The following HERC2 variants were observed in gnomAD, a reference collection of about 807,000 sequenced individuals.
The protein encoded by HERC2 is HECT and RLD domain containing E3 ubiquitin protein ligase 2, also known as E3 ubiquitin-protein ligase HERC2.
In HERC2, 102 loss-of-function variants were observed where a neutral mutation model predicts 537.7. The observed-to-expected ratio is 0.19, with a 90% CI of 0.16 to 0.22. HERC2 has a LOEUF of 0.22. Ranked by LOEUF, HERC2 falls within the 10% of genes least tolerant of loss-of-function variation. The pLI, the probability that HERC2 is intolerant of heterozygous loss-of-function variation, is 1.00. For synonymous variants in HERC2, 2,224 were observed against 2,466.2 expected, an observed-to-expected ratio of 0.90 and a Z score of 2.91; for missense variants, 4,236 against 6,198.2, an observed-to-expected ratio of 0.68 and a Z score of 10.63.
intron 4 of HERC2, among the ~76,000 whole-genome samples, chr15:28,287,781 T>C (rs1055811137): frequency 2.9e-4 from 43 of 146,056 alleles, no homozygotes; most frequent in African/African-American, 1.0e-3. Flanking sequence ...GCTAGAGTGG[T>C]GGTGCAATCT....
intron 65 of HERC2, among the ~76,000 whole-genome samples, 153 bp from the exon 66 acceptor site, chr15:28,169,808 A>G (rs561917831): frequency 6.6e-6 from 1 of 152,358 alleles, no homozygotes; most frequent in East Asian, 1.9e-4. Flanking sequence ...TAGGCCTTCA[A>G]AATAAGAAAA....
chr15:28,277,002 G>A (rs1008215085), intron 5 of HERC2, among the ~76,000 whole-genome samples: 1 of 152,130 alleles, frequency 6.6e-6, no homozygotes, highest in Non-Finnish European at 1.5e-5. Context: ...TTGAGTCCAG[G>A]AGTTTGAGGC....
chr15:28,191,904 T>C (rs1420329173), intron 53 of HERC2, 57 bp downstream of exon 53: 2 of 1,497,762 alleles, frequency 1.3e-6, no homozygotes, highest in African/African-American at 2.8e-5. Context: ...TTTGAAAATG[T>C]ACAAGGCAAA....
intron 2 of HERC2, among the ~76,000 whole-genome samples, chr15:28,317,587 A>G (rs2077123540): frequency 6.6e-6 from 1 of 152,242 alleles, no homozygotes; most frequent in African/African-American, 2.4e-5. Flanking sequence ...ATCACTTGGT[A>G]ATCTCACAGT....
At chr15:28,180,363 A>G (rs573531175) in intron 57 of HERC2, among the ~76,000 whole-genome samples, 41 of 152,238 alleles carry the variant, frequency 2.7e-4, no homozygotes, top group African/African-American at 9.1e-4. Flanking sequence ...AAATCACCCA[A>G]CCAAAACTTT....
intron 3 of HERC2, among the ~76,000 whole-genome samples, chr15:28,298,302 C>T (rs1245966860): frequency 2.7e-5 from 4 of 147,760 alleles, no homozygotes; most frequent in East Asian, 2.2e-4. Context: ...TACAGGCGCC[C>T]GCCACTATGC....
At chr15:28,282,743 C>T (rs150293247) in intron 4 of HERC2, among the ~76,000 whole-genome samples, 4 of 151,988 alleles carry the variant, frequency 2.6e-5, no homozygotes, top group Non-Finnish European at 5.9e-5. Context: ...ACCAGCCTGG[C>T]CAACATGGTG....
In HERC2 at chr15:28,182,496, C is replaced by A. The variant is rs185388345; in HGVS notation, c.8842G>T (p.Ala2948Ser). ...GNSGSLIRKK[A>S]AGLESAATIR... The stretch of plus-strand genomic sequence containing the variant: ...GTAGCTGCTGATTCCAGCCCAGCAG[C>A]CTTCTTTCTAATGAGGCTAACCAAA... The change falls in exon 57 of 93, where the codon GCT (alanine) becomes TCT (serine). Residue 2948 changes from alanine to serine, a missense_variant. Ala to Ser is a moderately conservative substitution (Grantham distance 99). This residue lies in a region of HERC2 where 606 missense variants were observed against 884.5 expected (regional missense o/e 0.69). Coordinates refer to ENST00000261609, the MANE Select transcript of HERC2 (RefSeq NM_004667.6). The A allele has an allele frequency of 5.1e-5, 83 of 1,612,734 alleles. No homozygotes were observed. In the African/African-American group the frequency reaches 9.0e-4, roughly 17 times the overall value.
intron 44 of HERC2, among the ~76,000 whole-genome samples, chr15:28,210,289 G>A (rs1029110942): frequency 2.0e-5 from 3 of 152,042 alleles, no homozygotes; most frequent in South Asian, 2.1e-4. Flanking sequence ...GTCCGCCACC[G>A]TGCCCAGCTA....
At chr15:28,128,924 A>G (rs1889799118) in intron 83 of HERC2, among the ~76,000 whole-genome samples, 1 of 152,194 alleles carries the variant, frequency 6.6e-6, no homozygotes, top group South Asian at 2.1e-4. Context: ...AAAGCCAGCA[A>G]CAGAGGGTAG....
intron 16 of HERC2, among the ~76,000 whole-genome samples, chr15:28,258,428 T>C (rs1369984417): frequency 2.0e-5 from 3 of 152,240 alleles, no homozygotes; most frequent in Non-Finnish European, 2.9e-5. Context: ...GCTGAGATCA[T>C]GTCATTGCAC....
rs770780725 is a variant in HERC2, at chr15:28,236,980, A to G, written c.3986T>C (p.Val1329Ala). ...YLAMSTPLSP[V>A]EIECAKWLQS... ...TTTCTTACTGGCACATTCAATCTCG[A>G]CAGGAGACAGCGGTGTGCTCATTGC... is the stretch of plus-strand genomic sequence containing the variant. The change falls in exon 26 of 93, where the codon GTC becomes GCC. Residue 1329 changes from valine to alanine, a missense_variant. Coordinates refer to ENST00000261609, the MANE Select transcript of HERC2 (RefSeq NM_004667.6). 1.2e-6 allele frequency: 2 copies of G among 1,611,914 alleles called. No homozygotes were observed. Among genetic ancestry groups the G allele is most frequent in the Admixed American group, 1.7e-5 (1 of 60,006 alleles).
chr15:28,299,948 G>A (rs997593712), intron 2 of HERC2, among the ~76,000 whole-genome samples: 15 of 151,162 alleles, frequency 9.9e-5, no homozygotes, highest in African/African-American at 2.4e-4. Context: ...AGCTACTCAC[G>A]AAGCTGAGGC....
chr15:28,226,533 T>C (rs1901189148), intron 35 of HERC2, among the ~76,000 whole-genome samples: 1 of 152,148 alleles, frequency 6.6e-6, no homozygotes, highest in African/African-American at 2.4e-5. Context: ...CAAGTGGTAT[T>C]GAAACAATCA....
At chr15:28,206,832 CAAAAAAAAAAAAA>C (rs71132838) in intron 44 of HERC2, among the ~76,000 whole-genome samples, 89 of 51,462 alleles carry the variant, frequency 1.7e-3, no homozygotes, top group East Asian at 8.3e-3. Context: ...GACTCGGTCT[CAAAAAAAAAAAAA>C]AAAAAAAAAA....
intron 57 of HERC2, among the ~76,000 whole-genome samples, chr15:28,181,315 C>G (rs1430028145): frequency 6.6e-6 from 1 of 152,192 alleles, no homozygotes; most frequent in African/African-American, 2.4e-5. Flanking sequence ...TGGCCTGCAC[C>G]TCAGGGACCT....
intron 2 of HERC2, among the ~76,000 whole-genome samples, chr15:28,311,157 G>GAAGT: frequency 6.8e-6 from 1 of 147,256 alleles, no homozygotes; most frequent in East Asian, 2.0e-4. Context: ...TCAAGACAGG[G>GAAGT]AAGTACAGTC....
At chr15:28,175,368 G>T in intron 64 of HERC2, 144 bp downstream of exon 64, 2 of 827,378 alleles carry the variant, frequency 2.4e-6, no homozygotes, top group South Asian at 1.7e-5. Flanking sequence ...AAAGGAACAG[G>T]ACCCGCCCTC....
At chr15:28,204,940 A>T (rs1051972548) in intron 45 of HERC2, among the ~76,000 whole-genome samples, 3 of 152,204 alleles carry the variant, frequency 2.0e-5, no homozygotes, top group Non-Finnish European at 4.4e-5. Context: ...GGGAAAAAAC[A>T]ATAGTCAAAA....
Sources: gnomAD v4.1 joint callset for allele counts (sites outside exome capture counted in the v4.1 genomes callset) on GRCh38, gnomAD v4.1.1 for gene constraint, gnomAD v4.1.1 regional missense constraint, MANE v1.5 for transcripts, NCBI Gene and HGNC (gene_info 2026-07-23, HGNC 2026-07-21) for gene names.